LZTR1: variants seen among roughly 807,000 people sequenced by gnomAD.
LZTR1 encodes the protein leucine-zipper-like transcriptional regulator 1.
A neutral mutation model predicts 105.7 loss-of-function variants in LZTR1; 260 were observed. The ratio of observed to expected loss-of-function variants is 2.46; its 90% CI spans 2.22 to 2.72. The LOEUF is 2.72. Among genes scored for constraint, LZTR1 ranks in the 30% most tolerant of loss-of-function variants. The probability of loss-of-function intolerance (pLI) is 0.00; values close to 1 mark genes in which losing one functional copy is unlikely to be tolerated. For missense variants in LZTR1, 1,214 were observed against 1,166.9 expected, an observed-to-expected ratio of 1.04 and a Z score of -0.59; for synonymous variants, 490 against 476.4, an observed-to-expected ratio of 1.03 and a Z score of -0.37.
chr22:20,995,216 CCA>C (rs1321256664), intron 16 of LZTR1, 190 bp downstream of exon 16: 1 of 711,276 alleles, frequency 1.4e-6, no homozygotes, highest in Admixed American at 2.1e-5. Context: ...ATGGGGCTTG[CCA>C]CAGTGGGCTG....
rs1268689557 is a variant in LZTR1 at position 20,994,224 on chromosome 22, C to T, written c.1570C>T (p.Leu524Phe). 5 of 1,600,676 alleles carry T rather than the reference C, an allele frequency of 3.1e-6. No homozygotes were observed. The highest frequency in any genetic ancestry group is 1.1e-5 in the South Asian group (1 of 91,022). The stretch of plus-strand genomic sequence containing the variant: ...GGCCGAGGCCCGGCCCTTCGAGGTG[C>T]TCATGCAGTTCCTCTACACCGACAA... ...REAEARPFEVLMQFLYTDKIK... is the reference protein window; with the variant it reads ...REAEARPFEVFMQFLYTDKIK... The change falls in exon 14 of 21, where the codon CTC (leucine) becomes TTC (phenylalanine). Residue 524 changes from leucine to phenylalanine, a missense_variant. Physicochemically the swap from Leu to Phe is conservative, Grantham distance 22 (BLOSUM62 0). Transcript: ENST00000646124.
In LZTR1 at chr22:20,988,126, A is replaced by G; in HGVS notation, c.509+8A>G. Reference sequence around the variant, plus strand: ...GTGGAAAATTGAAGGACGGTGAGAAACTTTGCAGAAACATTTGGGACAGGC... The same window carrying G: ...GTGGAAAATTGAAGGACGGTGAGAAGCTTTGCAGAAACATTTGGGACAGGC... On this transcript the variant is annotated splice_region_variant and intron_variant, in intron 5 of 20. Coordinates refer to ENST00000646124, the MANE Select transcript of LZTR1 (RefSeq NM_006767.4). 3 of 1,579,966 alleles carry G rather than the reference A, an allele frequency of 1.9e-6. No homozygotes were observed. The East Asian group carries it at 6.7e-5, about 35-fold the overall frequency.
At chr22:20,991,499 C>A in intron 8 of LZTR1, 129 bp from the exon 9 acceptor site, 1 of 729,578 alleles carries the variant, frequency 1.4e-6, no homozygotes, top group African/African-American at 1.8e-5. Flanking sequence ...CTAGGCCCTC[C>A]CTCTGGACCC....
Position 20,988,783 on chromosome 22 carries a change from C to G in LZTR1, c.510-6C>G. 6.2e-7 allele frequency: 1 copy of G among 1,612,844 alleles called. No individual in the cohort carries two copies. Among genetic ancestry groups the G allele is most frequent in the Non-Finnish European group, 8.5e-7 (1 of 1,178,884 alleles). On this transcript the variant is annotated splice_polypyrimidine_tract_variant and splice_region_variant and intron_variant, in intron 5 of 20. Coordinates refer to ENST00000646124, the MANE Select transcript of LZTR1 (RefSeq NM_006767.4). Reference sequence around the variant, plus strand: ...TCACTCCCTCCCCTCTTCCCTCACACTCCAGGTTGCCAGTCGCTAGGTCAG... The same window carrying G: ...TCACTCCCTCCCCTCTTCCCTCACAGTCCAGGTTGCCAGTCGCTAGGTCAG...
rs922517236 is a variant in LZTR1, at chr22:20,997,434, A to G, written c.*86A>G. 5.6e-5 allele frequency: 58 copies of G among 1,028,620 alleles called. 1 individual carries two copies. The South Asian group carries it at 6.0e-4, about 11-fold the overall frequency. 63.7% of individuals were successfully genotyped at this position (1,028,620 alleles called of 1,614,324 possible). On this transcript the variant is annotated 3_prime_UTR_variant, in exon 21 of 21. Transcript: ENST00000646124. ...AAGACTACCGGCTATGCGCATGCCT[A>G]TGGCAGTGGGTGCACCTGCCAGGCC...
chr22:20,994,374 G>A, intron 14 of LZTR1, 105 bp downstream of exon 14: 3 of 1,361,302 alleles, frequency 2.2e-6, no homozygotes, highest in Non-Finnish European at 3.0e-6. Context: ...GGCCCCCTGA[G>A]GCTCAGAGGC....
intron 14 of LZTR1, 112 bp downstream of exon 14, chr22:20,994,381 A>G: frequency 7.5e-7 from 1 of 1,334,358 alleles, no homozygotes; most frequent in Non-Finnish European, 1.0e-6. Flanking sequence ...TGAGGCTCAG[A>G]GGCTGCAGGT....
At chr22:20,989,852 C>T (rs1286574718) in intron 7 of LZTR1, among the ~76,000 whole-genome samples, 170 bp downstream of exon 7, 1 of 152,124 alleles carries the variant, frequency 6.6e-6, no homozygotes, top group Non-Finnish European at 1.5e-5. Flanking sequence ...CCTTGCAAAG[C>T]CCAGCCTCGA....
Position 20,997,357 on chromosome 22 carries a change from G to T in LZTR1, c.*9G>T. 6.3e-7 allele frequency: 1 copy of T among 1,595,684 alleles called. No homozygotes were observed. The highest frequency in any genetic ancestry group is 2.2e-5 in the East Asian group (1 of 44,814). On this transcript the variant is annotated 3_prime_UTR_variant, in exon 21 of 21. Transcript: ENST00000646124. ...TGGGCGCCGACATCTGAGGCCCTGT[G>T]GCGCCTGCCCATTGTGAAGAATCGC...
intron 8 of LZTR1, 97 bp from the exon 9 acceptor site, chr22:20,991,531 T>G (rs1924604257): frequency 1.0e-6 from 1 of 966,224 alleles, no homozygotes; most frequent in South Asian, 1.6e-5. Context: ...CCGTAAGGGA[T>G]GCAGGGGGAC....
chr22:20,996,268 G>A (rs1924842640), intron 18 of LZTR1, 156 bp downstream of exon 18: 7 of 784,994 alleles, frequency 8.9e-6, no homozygotes, highest in Admixed American at 5.6e-5. Context: ...TGGGCCTGGT[G>A]CTCTCTGAAG....
At chr22:20,988,707 C>A in intron 5 of LZTR1, 82 bp from the exon 6 acceptor site, 1 of 983,220 alleles carries the variant, frequency 1.0e-6, no homozygotes, top group Non-Finnish European at 1.6e-6. Context: ...TGGCTGTGGC[C>A]CCTGCACTGA....
rs750767136 is a variant in LZTR1, at chr22:20,982,538, G to A, written c.167G>A (p.Arg56His). ...GPFETVHRWR[R>H]LPPCDEFVGA... ...TTCGAAACAGTGCATCGCTGGCGGCGCCTCCCGCCCTGCGACGAGTTCGTG... is the reference window on the plus strand; with the variant it reads ...TTCGAAACAGTGCATCGCTGGCGGCACCTCCCGCCCTGCGACGAGTTCGTG... Residue 56 changes from arginine (R) to histidine (H), a missense_variant, in exon 1 of 21, where the codon CGC (arginine) becomes CAC (histidine). Transcript: ENST00000646124. 6.2e-7 allele frequency: 1 copy of A among 1,612,898 alleles called. No individual in the cohort carries two copies. Among genetic ancestry groups the A allele is most frequent in the South Asian group, 1.1e-5 (1 of 90,812 alleles).
Position 20,993,696 on chromosome 22 carries a change from A to T in LZTR1, c.1295A>T (p.Asp432Val). Residue 432 changes from aspartate (D) to valine (V), a missense_variant, in exon 12 of 21, where the codon GAC (aspartate) becomes GTC (valine). Transcript: ENST00000646124. ...SCYPKCTLHEDYGRLWESRQF... is the reference protein window; with the variant it reads ...SCYPKCTLHEVYGRLWESRQF... The stretch of plus-strand genomic sequence containing the variant: ...TACCCTAAATGCACGCTGCACGAGG[A>T]CTACGGGCGGCTGTGGGAGAGCCGC... The T allele has an allele frequency of 6.2e-7, 1 of 1,613,574 alleles. No individual in the cohort carries two copies. Among genetic ancestry groups the T allele is most frequent in the Non-Finnish European group, 8.5e-7 (1 of 1,179,952 alleles).
At position 20,994,988 on chromosome 22, in the gene LZTR1, C is replaced by A. The variant is rs148677674; in HGVS notation, c.1904C>A (p.Pro635Gln). Residue 635 changes from proline (P) to glutamine (Q), a missense_variant, in exon 16 of 21, where the codon CCG becomes CAG. Physicochemically the swap from Pro to Gln is moderately conservative, Grantham distance 76. Transcript: ENST00000646124. ...IVEIVRRKQQ[P>Q]PPRTPLDQPV... The stretch of plus-strand genomic sequence containing the variant: ...GAGATTGTGCGGCGGAAGCAGCAGC[C>A]GCCCCCTCGCACTCCCTTGGACCAG... The A allele has an allele frequency of 5.6e-6, 9 of 1,612,834 alleles. No individual in the cohort carries two copies. In the East Asian group the frequency reaches 1.8e-4, roughly 32 times the overall value.
At chr22:20,989,005 G>T (rs937600927) in intron 6 of LZTR1, 133 bp downstream of exon 6, 10 of 753,880 alleles carry the variant, frequency 1.3e-5, no homozygotes, top group Non-Finnish European at 1.8e-5. Context: ...CTCTGTCTGG[G>T]GGTTTCTTGG....
rs774602812 is a variant in LZTR1, at chr22:20,994,994, C to T, written c.1910C>T (p.Pro637Leu). 6.2e-7 allele frequency: 1 copy of T among 1,612,800 alleles called. No homozygotes were observed. Among genetic ancestry groups the T allele is most frequent in the Non-Finnish European group, 8.5e-7 (1 of 1,179,922 alleles). ...EIVRRKQQPP[P>L]RTPLDQPVDI... ...GTGCGGCGGAAGCAGCAGCCGCCCC[C>T]TCGCACTCCCTTGGACCAGCCAGTG... Residue 637 changes from proline (P) to leucine (L), a missense_variant, in exon 16 of 21, where the codon CCT (proline) becomes CTT (leucine). Physicochemically the swap from Pro to Leu is moderately conservative, Grantham distance 98. Coordinates refer to ENST00000646124, the MANE Select transcript of LZTR1 (RefSeq NM_006767.4).
At chr22:20,992,744 T>C in intron 10 of LZTR1, 50 bp from the exon 11 acceptor site, 1 of 1,207,610 alleles carries the variant, frequency 8.3e-7, no homozygotes, top group Non-Finnish European at 1.2e-6. Flanking sequence ...CCAGCCGCAC[T>C]GTGGAGGCTC....
chr22:20,988,173 C>A, intron 5 of LZTR1, 55 bp downstream of exon 5: 1 of 1,167,600 alleles, frequency 8.6e-7, no homozygotes, highest in South Asian at 1.3e-5. Context: ...TGGCATTGGA[C>A]CTGGGATCTG....
Sources: allele counts gnomAD v4.1 joint callset (sites outside exome capture counted in the v4.1 genomes callset), GRCh38; gene constraint gnomAD v4.1.1; transcripts MANE v1.5; gene names NCBI Gene and HGNC (gene_info 2026-07-23, HGNC 2026-07-21).